The following ENOX2 variants were observed in gnomAD, a reference collection of about 807,000 sequenced individuals.
The protein encoded by ENOX2 is ecto-NOX disulfide-thiol exchanger 2, also known as APK1 antigen.
ENOX2 carries 36 observed loss-of-function variants against 45.0 expected under a neutral mutation model. The observed-to-expected ratio is 0.80, with a 90% CI of 0.61 to 1.06. ENOX2 has a LOEUF of 1.06. Among genes scored for constraint, ENOX2 ranks in the 50% least tolerant of loss-of-function variants. The probability of loss-of-function intolerance (pLI) is 0.00; values close to 1 mark genes in which losing one functional copy is unlikely to be tolerated. For synonymous variants in ENOX2, 174 were observed against 152.3 expected (o/e 1.14, Z -1.05); for missense variants, 423 against 462.5 (o/e 0.91, Z 0.78).
intron 2 of ENOX2, among the ~76,000 whole-genome samples, chrX:130,812,906 C>G (rs754585212): frequency 9.0e-6 from 1 of 111,505 alleles, no homozygotes; most frequent in Non-Finnish European, 1.9e-5. Context: ...AAATGTACTA[C>G]AAAGCTATAG....
intron 3 of ENOX2, among the ~76,000 whole-genome samples, chrX:130,762,976 G>A (rs1003510339): frequency 9.9e-5 from 11 of 110,806 alleles, no homozygotes; most frequent in East Asian, 8.5e-4. Context: ...CAGTTATATC[G>A]GTTTTTGTTT....
At chrX:130,640,139 A>G (rs9887308) in intron 10 of ENOX2, among the ~76,000 whole-genome samples, 1,450 of 111,888 alleles carry the variant, frequency 0.013, 22 homozygotes, top group African/African-American at 0.045. Flanking sequence ...CCATTCATGA[A>G]GGCTCTGCCC....
At chrX:130,677,290 T>C (rs2037178723) in intron 6 of ENOX2, among the ~76,000 whole-genome samples, 2 of 112,096 alleles carry the variant, frequency 1.8e-5, no homozygotes, top group South Asian at 7.5e-4. Context: ...TATTGAGTAA[T>C]GCCTGGCACT....
chrX:130,860,019 G>A (rs1456385545), intron 2 of ENOX2, among the ~76,000 whole-genome samples: 1 of 108,913 alleles, frequency 9.2e-6, no homozygotes, highest in East Asian at 2.9e-4. Flanking sequence ...GCAGTGGCAC[G>A]ATCTCGGCTC....
chrX:130,893,658 C>T (rs1461715468), intron 2 of ENOX2, among the ~76,000 whole-genome samples: 1 of 112,465 alleles, frequency 8.9e-6, no homozygotes, highest in African/African-American at 3.2e-5. Flanking sequence ...CTAAAACTGA[C>T]TGGCTAGATG....
At chrX:130,811,168 G>A (rs191380142) in intron 2 of ENOX2, among the ~76,000 whole-genome samples, 63 of 111,055 alleles carry the variant, frequency 5.7e-4, no homozygotes, top group Non-Finnish European at 5.7e-5. Flanking sequence ...TCACCACAGT[G>A]CCAGACCAGC....
intron 4 of ENOX2, among the ~76,000 whole-genome samples, chrX:130,694,449 A>G (rs1241817192): frequency 2.7e-5 from 3 of 111,286 alleles, no homozygotes; most frequent in Non-Finnish European, 5.7e-5. Flanking sequence ...CTGACGTTCT[A>G]CTAGGTGTAC....
intron 9 of ENOX2, among the ~76,000 whole-genome samples, chrX:130,663,627 G>A (rs775814922): frequency 1.0e-4 from 11 of 109,665 alleles, no homozygotes; most frequent in African/African-American, 2.6e-4. Flanking sequence ...GTACTGTCAC[G>A]GCTTTCCTTA....
At chrX:130,775,785 T>C (rs759734593) in intron 3 of ENOX2, among the ~76,000 whole-genome samples, 40 of 111,512 alleles carry the variant, frequency 3.6e-4, no homozygotes, top group African/African-American at 7.5e-4. Flanking sequence ...CTGAGGTGTT[T>C]TGTGTTTTTT....
intron 2 of ENOX2, among the ~76,000 whole-genome samples, chrX:130,889,279 G>C (rs2078951161): frequency 8.9e-6 from 1 of 111,759 alleles, no homozygotes; most frequent in Admixed American, 9.5e-5. Context: ...AACCAAATCT[G>C]AAGCAGCCAA....
intron 14 of ENOX2, among the ~76,000 whole-genome samples, chrX:130,626,782 C>T (rs1394606920): frequency 8.9e-6 from 1 of 111,806 alleles, no homozygotes; most frequent in Non-Finnish European, 1.9e-5. Flanking sequence ...ATAAGATTCC[C>T]AAGTGGGCCA....
intron 3 of ENOX2, among the ~76,000 whole-genome samples, chrX:130,778,151 A>C (rs755524301): frequency 8.9e-6 from 1 of 111,944 alleles, no homozygotes; most frequent in Non-Finnish European, 1.9e-5. Context: ...TCAAAAGGCT[A>C]TAAGTGTCAT....
chrX:130,631,170 T>C (rs1007850110), intron 13 of ENOX2, among the ~76,000 whole-genome samples: 6 of 111,005 alleles, frequency 5.4e-5, no homozygotes, highest in African/African-American at 1.6e-4. Context: ...CTTGCACAGA[T>C]ATTTAAAAAA....
chrX:130,781,799 T>C (rs1047876025), intron 3 of ENOX2, among the ~76,000 whole-genome samples: 2 of 111,148 alleles, frequency 1.8e-5, no homozygotes, highest in African/African-American at 6.5e-5. Flanking sequence ...GTTGTTGTTG[T>C]TGTTGTTCTT....
intron 2 of ENOX2, among the ~76,000 whole-genome samples, chrX:130,882,129 G>A (rs900633027): frequency 3.6e-5 from 4 of 111,181 alleles, no homozygotes; most frequent in African/African-American, 1.3e-4. Flanking sequence ...GATCGCTGGA[G>A]ATAAGGAAGG....
intron 3 of ENOX2, among the ~76,000 whole-genome samples, chrX:130,717,271 C>T (rs1386803052): frequency 8.9e-6 from 1 of 112,101 alleles, no homozygotes; most frequent in Non-Finnish European, 1.9e-5. Flanking sequence ...CATTCTCTGT[C>T]AGTTCCAACA....
At chrX:130,660,197 G>A (rs756785822) in intron 9 of ENOX2, among the ~76,000 whole-genome samples, 98 of 111,435 alleles carry the variant, frequency 8.8e-4, no homozygotes, top group African/African-American at 3.0e-3. Context: ...AGAAACTCAG[G>A]CTCATATTAT....
chrX:130,888,523 G>A (rs1318899566), intron 2 of ENOX2, among the ~76,000 whole-genome samples: 1 of 111,719 alleles, frequency 9.0e-6, no homozygotes, highest in Non-Finnish European at 1.9e-5. Flanking sequence ...TATCCTGACT[G>A]TCTCACAGGA....
At chrX:130,699,781 C>T (rs1166338975) in intron 4 of ENOX2, among the ~76,000 whole-genome samples, 1 of 112,082 alleles carries the variant, frequency 8.9e-6, no homozygotes, top group African/African-American at 3.2e-5. Context: ...CAGACATATA[C>T]TGTTCTCTTC....
Sources: allele counts gnomAD v4.1 joint callset (sites outside exome capture counted in the v4.1 genomes callset), GRCh38; gene constraint gnomAD v4.1.1; transcripts MANE v1.5; gene names NCBI Gene and HGNC (gene_info 2026-07-23, HGNC 2026-07-21).